The following MAGED1 variants were observed in gnomAD, a reference collection of about 807,000 sequenced individuals.
MAGED1 encodes MAGE family member D1, also known as melanoma-associated antigen D1.
MAGED1 carries 3 observed loss-of-function variants against 54.1 expected under a neutral mutation model. The observed-to-expected ratio is 0.06, with a 90% CI of 0.03 to 0.14. The LOEUF (loss-of-function observed/expected upper bound fraction) is 0.14, where lower values mean the gene tolerates loss of function less well. MAGED1 is among the 10% of genes least tolerant of loss of function. The probability of loss-of-function intolerance (pLI) is 1.00; values close to 1 mark genes in which losing one functional copy is unlikely to be tolerated. For missense variants in MAGED1, 485 were observed against 623.4 expected (o/e 0.78, Z 2.36); for synonymous variants, 217 against 227.3 (o/e 0.95, Z 0.41).
intron 1 of MAGED1, among the ~76,000 whole-genome samples, chrX:51,826,422 G>C (rs1557356970): frequency 2.7e-5 from 3 of 111,745 alleles, no homozygotes. Flanking sequence ...TGTGAGGTTT[G>C]TGTCATAATT....
intron 1 of MAGED1, among the ~76,000 whole-genome samples, chrX:51,846,936 A>G (rs188049533): frequency 4.4e-4 from 49 of 112,084 alleles, no homozygotes; most frequent in Non-Finnish European, 5.1e-4. Context: ...AAACCGTATC[A>G]GTGACTTTCA....
At chrX:51,878,477 CAG>C (rs1557362221) in intron 1 of MAGED1, among the ~76,000 whole-genome samples, 1 of 111,125 alleles carries the variant, frequency 9.0e-6, no homozygotes, top group East Asian at 2.8e-4. Context: ...GTCGTTCAAG[CAG>C]AGTTTGGATG....
chrX:51,835,163 T>C (rs1242494908), intron 1 of MAGED1, among the ~76,000 whole-genome samples: 1 of 111,644 alleles, frequency 9.0e-6, no homozygotes, highest in Non-Finnish European at 1.9e-5. Context: ...TTTACAATGG[T>C]GTTAAATCCC....
intron 1 of MAGED1, among the ~76,000 whole-genome samples, chrX:51,840,230 A>AT (rs1557358321): frequency 9.0e-6 from 1 of 111,365 alleles, no homozygotes; most frequent in African/African-American, 3.3e-5. Context: ...TAGGTTATTT[A>AT]TATTAACATG....
chrX:51,895,804 T>G (rs112299470), intron 3 of MAGED1, 44 bp downstream of exon 3: 64,738 of 1,012,920 alleles, frequency 0.064, 1,666 homozygotes, highest in Non-Finnish European at 0.074. Flanking sequence ...GCTGTCTCCT[T>G]TCTTCTCTGA....
intron 1 of MAGED1, among the ~76,000 whole-genome samples, chrX:51,816,117 CTT>C (rs1280688562): frequency 4.0e-5 from 4 of 99,656 alleles, no homozygotes; most frequent in Admixed American, 1.1e-4. Context: ...CATATTTTGT[CTT>C]TTTTTTTTTT....
At chrX:51,893,326 G>C (rs1928522230), upstream of MAGED1, among the ~76,000 whole-genome samples, 1 of 108,954 alleles carries the variant, frequency 9.2e-6, no homozygotes, top group African/African-American at 3.4e-5. Flanking sequence ...TTGCGGAAAA[G>C]GTAGGGGGCC....
chrX:51,876,863 A>G (rs1557362045), intron 1 of MAGED1, among the ~76,000 whole-genome samples: 1 of 111,451 alleles, frequency 9.0e-6, no homozygotes, highest in Non-Finnish European at 1.9e-5. Context: ...CTAAATTTAT[A>G]TTATCTTTTC....
Position 51,895,451 on chromosome X carries a change from C to G in MAGED1, c.444C>G (p.Ala148=). The change falls in exon 3 of 13, where the codon GCC becomes GCG. Residue 148 remains alanine, a synonymous_variant. Transcript: ENST00000326587. ...AANKSEMAFK[A]QNATTKVGPN... ...ACAAGTCTGAGATGGCCTTCAAGGCCCAGAATGCCACTACTAAAGTGGGCC... is the reference window on the plus strand; with the variant it reads ...ACAAGTCTGAGATGGCCTTCAAGGCGCAGAATGCCACTACTAAAGTGGGCC... The G allele has an allele frequency of 8.3e-7, 1 of 1,207,843 alleles. No homozygotes were observed. The highest frequency in any genetic ancestry group is 1.1e-6 in the Non-Finnish European group (1 of 893,452).
At chrX:51,857,587 G>A (rs1557360318) in intron 1 of MAGED1, 1 of 111,929 alleles carries the variant, frequency 8.9e-6, no homozygotes, top group Non-Finnish European at 1.9e-5. Context: ...AGCGGAGATG[G>A]AAAGAGATCC....
rs1333439057 is a variant in MAGED1, at chrX:51,883,232, C to T, written c.-36-11037C>T. On this transcript the variant is annotated intron_variant, in intron 1 of 12. Transcript: ENST00000375772. The stretch of plus-strand genomic sequence containing the variant: ...ACCCCTAATGAGTGATAATGAGGTG[C>T]CTCTCCCCTAACAAATGGTGTGGTA... Among the ~76,000 whole-genome samples, 3 of 111,046 alleles carry T rather than the reference C, an allele frequency of 2.7e-5. No homozygotes were observed. The Admixed American group carries it at 2.9e-4, about 11-fold the overall frequency.
chrX:51,826,542 A>G (rs1363964051), intron 1 of MAGED1, among the ~76,000 whole-genome samples: 1 of 111,791 alleles, frequency 8.9e-6, no homozygotes, highest in Non-Finnish European at 1.9e-5. Context: ...AGTTGACTAA[A>G]TGAAATAAAC....
intron 1 of MAGED1, among the ~76,000 whole-genome samples, chrX:51,841,471 T>G (rs1212508112): frequency 9.0e-6 from 1 of 111,079 alleles, no homozygotes; most frequent in Non-Finnish European, 1.9e-5. Context: ...TGGCTTTTGT[T>G]GCCATTGCTT....
intron 1 of MAGED1, among the ~76,000 whole-genome samples, chrX:51,821,969 G>C (rs1557356575): frequency 2.7e-5 from 3 of 111,505 alleles, no homozygotes; most frequent in Non-Finnish European, 5.6e-5. Context: ...ATACGTGTCA[G>C]AATTTGGTTT....
chrX:51,806,131 G>C (rs1394455410), intron 1 of MAGED1, among the ~76,000 whole-genome samples: 2 of 108,724 alleles, frequency 1.8e-5, no homozygotes, highest in African/African-American at 6.7e-5. Context: ...ATGCCACCAT[G>C]CCTGGCTAAC....
At chrX:51,814,966 TAAAA>T (rs782352592) in intron 1 of MAGED1, among the ~76,000 whole-genome samples, 16 of 72,101 alleles carry the variant, frequency 2.2e-4, no homozygotes, top group African/African-American at 6.7e-4. Context: ...ACCTCTCTCT[TAAAA>T]AAAAAAAAAA....
At chrX:51,845,750 T>A (rs1319890246) in intron 1 of MAGED1, among the ~76,000 whole-genome samples, 1 of 111,248 alleles carries the variant, frequency 9.0e-6, no homozygotes, top group Non-Finnish European at 1.9e-5. Context: ...TGAATATATT[T>A]TCTATGTGGA....
rs1482263573 is a variant in MAGED1 at position 51,896,638 on chromosome X, C to A, written c.983C>A (p.Thr328Asn). The A allele has an allele frequency of 8.3e-7, 1 of 1,210,695 alleles. No individual in the cohort carries two copies. The highest frequency in any genetic ancestry group is 1.1e-6 in the Non-Finnish European group (1 of 895,361). ...PARQSPPARQ[T>N]PPAWQNPVAW... is the part of the protein sequence containing the mutation. Reference sequence around the variant, plus strand: ...CGTCAGAGCCCTCCAGCTAGGCAGACCCCACCAGCCTGGCAGAACCCAGTC... The same window carrying A: ...CGTCAGAGCCCTCCAGCTAGGCAGAACCCACCAGCCTGGCAGAACCCAGTC... The change falls in exon 4 of 13, where the codon ACC (threonine) becomes AAC (asparagine). Residue 328 changes from threonine (T) to asparagine (N), a missense_variant. This residue lies in a region of MAGED1 where 299 missense variants were observed against 293.1 expected (regional missense o/e 1.02). Coordinates refer to ENST00000326587, the MANE Select transcript of MAGED1 (RefSeq NM_006986.4).
At chrX:51,817,468 A>AT (rs1569555424) in intron 1 of MAGED1, among the ~76,000 whole-genome samples, 1 of 112,029 alleles carries the variant, frequency 8.9e-6, no homozygotes. Context: ...TTTTGCTATT[A>AT]TAGATTTGGC....
Sources: allele counts gnomAD v4.1 joint callset (sites outside exome capture counted in the v4.1 genomes callset), GRCh38; gene constraint gnomAD v4.1.1; regional missense constraint gnomAD v4.1.1; transcripts MANE v1.5; gene names NCBI Gene and HGNC (gene_info 2026-07-23, HGNC 2026-07-21).